WHRN: variants seen among roughly 807,000 people sequenced by gnomAD.
The protein encoded by WHRN is whirlin.
A neutral mutation model predicts 68.3 loss-of-function variants in WHRN; 41 were observed. The observed-to-expected ratio is 0.60, with a 90% CI of 0.47 to 0.78. The LOEUF (loss-of-function observed/expected upper bound fraction) is 0.78, where lower values mean the gene tolerates loss of function less well. WHRN is among the 30% of genes least tolerant of loss of function. The probability of loss-of-function intolerance (pLI) is 0.00; values close to 1 mark genes in which losing one functional copy is unlikely to be tolerated. For missense variants in WHRN, 1,243 were observed against 1,244.7 expected, an observed-to-expected ratio of 1.00 and a Z score of 0.02; for synonymous variants, 560 against 561.3, an observed-to-expected ratio of 1.00 and a Z score of 0.03.
At chr9:114,469,136 G>T (rs1405124807) in intron 2 of WHRN, among the ~76,000 whole-genome samples, 1 of 151,972 alleles carries the variant, frequency 6.6e-6, no homozygotes, top group Non-Finnish European at 1.5e-5. Context: ...GCTGGCACAG[G>T]GAAGCACTAG....
intron 3 of WHRN, among the ~76,000 whole-genome samples, chr9:114,460,077 C>A (rs897400064): frequency 6.6e-6 from 1 of 152,226 alleles, no homozygotes; most frequent in Non-Finnish European, 1.5e-5. Context: ...TGGGGAAACT[C>A]AGGTGTGGAG....
chr9:114,480,807 T>C (rs192616241), intron 1 of WHRN, among the ~76,000 whole-genome samples: 2 of 152,324 alleles, frequency 1.3e-5, no homozygotes, highest in Non-Finnish European at 2.9e-5. Context: ...TAAAAGGCTA[T>C]AAATCATGTC....
At chr9:114,456,994 A>G (rs147250923) in intron 3 of WHRN, among the ~76,000 whole-genome samples, 1,898 of 152,312 alleles carry the variant, frequency 0.012, 31 homozygotes, top group Non-Finnish European at 0.021. Flanking sequence ...GATTAGAATC[A>G]GCCTTATTAG....
At chr9:114,503,803 A>C in intron 1 of WHRN, 1 of 243,870 alleles carries the variant, frequency 4.1e-6, no homozygotes, top group South Asian at 5.5e-5. Flanking sequence ...AAAAACAAAA[A>C]ACAAAAAACC....
At chr9:114,422,291 C>T (rs1836360014) in intron 7 of WHRN, among the ~76,000 whole-genome samples, 1 of 152,192 alleles carries the variant, frequency 6.6e-6, no homozygotes, top group African/African-American at 2.4e-5. Flanking sequence ...GATGAATGAC[C>T]TAACGGTGAG....
At chr9:114,410,277 G>A (rs1400307581) in intron 7 of WHRN, among the ~76,000 whole-genome samples, 1 of 152,172 alleles carries the variant, frequency 6.6e-6, no homozygotes, top group African/African-American at 2.4e-5. Flanking sequence ...TATAAACTCT[G>A]AGAAGGCAGG....
rs2133485164 is a variant in WHRN at position 114,504,778 on chromosome 9, C to A, written c.24G>T (p.Leu8=). Residue 8 remains leucine, a synonymous_variant, in exon 1 of 12, where the codon CTG becomes CTT. Coordinates refer to ENST00000362057, the MANE Select transcript of WHRN (RefSeq NM_015404.4). MNAPLDG[L]SVSSSSTGSL... ...AGCCGGTGGAGGACGAGCTCACCGA[C>A]AGGCCGTCCAGCGGCGCGTTCATCT... The A allele has an allele frequency of 1.4e-6, 2 of 1,476,098 alleles. No individual in the cohort carries two copies. Among genetic ancestry groups the A allele is most frequent in the Non-Finnish European group, 8.9e-7 (1 of 1,126,108 alleles). 91.4% of individuals were successfully genotyped at this position (1,476,098 alleles called of 1,614,324 possible).
intron 1 of WHRN, among the ~76,000 whole-genome samples, chr9:114,483,107 T>C (rs1253754540): frequency 6.6e-6 from 1 of 152,206 alleles, no homozygotes; most frequent in Non-Finnish European, 1.5e-5. Context: ...CCTCTGATAA[T>C]GACTATTCTT....
chr9:114,431,262 T>G (rs573216358), intron 3 of WHRN, among the ~76,000 whole-genome samples: 7 of 152,290 alleles, frequency 4.6e-5, no homozygotes, highest in African/African-American at 1.7e-4. Flanking sequence ...GGCATGATAC[T>G]ACCACTAGTT....
intron 3 of WHRN, among the ~76,000 whole-genome samples, chr9:114,442,361 T>C (rs1448006625): frequency 6.6e-6 from 1 of 152,198 alleles, no homozygotes; most frequent in Non-Finnish European, 1.5e-5. Context: ...TAAGTGAATG[T>C]CCTTGTTCTT....
chr9:114,469,698 C>A (rs1214221506), intron 2 of WHRN, among the ~76,000 whole-genome samples: 2 of 152,246 alleles, frequency 1.3e-5, no homozygotes, highest in Non-Finnish European at 2.9e-5. Context: ...CACTCCTTTG[C>A]CAGTGTTGAC....
chr9:114,477,178 C>T (rs541605641), intron 2 of WHRN, among the ~76,000 whole-genome samples: 16 of 152,314 alleles, frequency 1.1e-4, no homozygotes, highest in African/African-American at 3.6e-4. Flanking sequence ...TGCATATTGA[C>T]GTTTCAGCAA....
At chr9:114,451,863 T>C (rs1839367840) in intron 3 of WHRN, among the ~76,000 whole-genome samples, 1 of 152,196 alleles carries the variant, frequency 6.6e-6, no homozygotes. Flanking sequence ...TTGGGCAAGT[T>C]ACTTAACCTC....
intron 7 of WHRN, among the ~76,000 whole-genome samples, chr9:114,417,745 T>C (rs1835922566): frequency 6.6e-6 from 1 of 152,218 alleles, no homozygotes; most frequent in South Asian, 2.1e-4. Flanking sequence ...TAGTGGTGAA[T>C]AAAGGTGATT....
intron 3 of WHRN, among the ~76,000 whole-genome samples, chr9:114,453,699 T>C (rs1019722517): frequency 2.6e-5 from 4 of 151,912 alleles, no homozygotes; most frequent in Admixed American, 6.6e-5. Flanking sequence ...GAAAGAAAAA[T>C]AGATAACCTA....
At chr9:114,501,175 G>C (rs1843889061) in intron 1 of WHRN, among the ~76,000 whole-genome samples, 1 of 152,128 alleles carries the variant, frequency 6.6e-6, no homozygotes, top group Non-Finnish European at 1.5e-5. Context: ...TGGACTCTCT[G>C]GCCAATTTAT....
Position 114,504,739 on chromosome 9 carries a change from C to G in WHRN, c.63G>C (p.Ala21=), listed in dbSNP as rs1844259704. 6.6e-7 allele frequency: 1 copy of G among 1,508,708 alleles called. No homozygotes were observed. The highest frequency in any genetic ancestry group is 8.8e-7 in the Non-Finnish European group (1 of 1,138,312). The allele number at this position is 1,508,708 out of a possible 1,614,324, so 93.5% of individuals were successfully genotyped here. ...CGCCCCCGCCGCCGCCCGCCCCGGC[C>G]GCCGAGCCCAGCGAGCCGGTGGAGG... ...SSSSTGSLGS[A]AGAGGGGGAG... The change falls in exon 1 of 12, where the codon GCG becomes GCC. Residue 21 remains alanine, a synonymous_variant. Transcript: ENST00000362057.
At chr9:114,427,783 C>CAT (rs1837012154) in intron 3 of WHRN, among the ~76,000 whole-genome samples, 1 of 151,874 alleles carries the variant, frequency 6.6e-6, no homozygotes, top group Non-Finnish European at 1.5e-5. Flanking sequence ...GGCTTTGACA[C>CAT]TCAGGGGAGG....
At chr9:114,409,994 T>C (rs1236212522) in intron 7 of WHRN, among the ~76,000 whole-genome samples, 1 of 152,262 alleles carries the variant, frequency 6.6e-6, no homozygotes, top group South Asian at 2.1e-4. Context: ...TGTGCCTACA[T>C]GACCGGGCCC....
Sources: gnomAD v4.1 joint callset for allele counts (sites outside exome capture counted in the v4.1 genomes callset) on GRCh38, gnomAD v4.1.1 for gene constraint, MANE v1.5 for transcripts, NCBI Gene and HGNC (gene_info 2026-07-23, HGNC 2026-07-21) for gene names.